ORC1: variants seen among roughly 807,000 people sequenced by gnomAD.
The protein encoded by ORC1 is origin recognition complex, subunit 1 homolog.
Under a neutral mutation model 98.9 loss-of-function variants are expected in ORC1, and 61 were observed. The ratio of observed to expected loss-of-function variants is 0.62; its 90% CI spans 0.50 to 0.76. The LOEUF is 0.76. Among genes scored for constraint, ORC1 ranks in the 30% least tolerant of loss-of-function variants. The probability of loss-of-function intolerance (pLI) is 0.00; values close to 1 mark genes in which losing one functional copy is unlikely to be tolerated. For missense variants in ORC1, 979 were observed against 1,072.2 expected, an observed-to-expected ratio of 0.91 and a Z score of 1.21; for synonymous variants, 385 against 406.9, an observed-to-expected ratio of 0.95 and a Z score of 0.65.
chr1:52,373,469 T>C (rs920987245), intron 16 of ORC1, 94 bp from the exon 17 acceptor site: 6 of 1,079,184 alleles, frequency 5.6e-6, no homozygotes, highest in Non-Finnish European at 6.9e-6. Flanking sequence ...ATCAGACACA[T>C]GGCCCCCAGG....
intron 1 of ORC1, among the ~76,000 whole-genome samples, chr1:52,403,522 C>T (rs948302003): frequency 6.6e-5 from 10 of 152,198 alleles, no homozygotes; most frequent in African/African-American, 2.4e-4. Context: ...GCATTTCCAG[C>T]CCACCTAACA....
Position 52,373,296 on chromosome 1 carries a change from G to A in ORC1, c.2471C>T (p.Ser824Phe), listed in dbSNP as rs746169337. The A allele has an allele frequency of 7.4e-6, 12 of 1,614,078 alleles. No individual in the cohort carries two copies. Among genetic ancestry groups the A allele is most frequent in the African/African-American group, 1.3e-5 (1 of 74,940 alleles). The change falls in exon 17 of 17, where the codon TCT becomes TTT. Residue 824 changes from serine to phenylalanine, a missense_variant. Transcript: ENST00000371568. ...PTMSETMAVCSHLGSCRLLLV... is the reference protein window; with the variant it reads ...PTMSETMAVCFHLGSCRLLLV... ...CAGGAGGCGACAGGAGCCCAGGTGAGAACACACGGCCATGGTCTCTGACAT... is the reference window on the plus strand; with the variant it reads ...CAGGAGGCGACAGGAGCCCAGGTGAAAACACACGGCCATGGTCTCTGACAT...
chr1:52,406,648 A>G (rs1648006347), upstream of ORC1, among the ~76,000 whole-genome samples: 1 of 152,216 alleles, frequency 6.6e-6, no homozygotes. Context: ...CTGCATGGTA[A>G]ACACCTAGAA....
At chr1:52,377,599 G>A (rs772247258) in intron 14 of ORC1, among the ~76,000 whole-genome samples, 12 of 149,114 alleles carry the variant, frequency 8.0e-5, no homozygotes, top group Non-Finnish European at 1.8e-4. Context: ...ACAACCATAA[G>A]CCCTTGCTTG....
At chr1:52,383,318 G>C in intron 13 of ORC1, 102 bp downstream of exon 13, 2 of 1,403,960 alleles carry the variant, frequency 1.4e-6, no homozygotes, top group Non-Finnish European at 2.0e-6. Flanking sequence ...CAAAGTGCGG[G>C]GTTTACAGGC....
chr1:52,373,061 A>G lies in ORC1; in HGVS notation c.*120T>C. The G allele has an allele frequency of 9.5e-7, 1 of 1,047,246 alleles. No homozygotes were observed. The highest frequency in any genetic ancestry group is 1.5e-6 in the Non-Finnish European group (1 of 669,710). The allele number at this position is 1,047,246 out of a possible 1,614,324, so 64.9% of individuals were successfully genotyped here. A position where few individuals can be genotyped will look rare whatever the true frequency, so the allele number is the denominator to read the frequency against. On this transcript the variant is annotated 3_prime_UTR_variant, in exon 17 of 17. Coordinates refer to ENST00000371568, the MANE Select transcript of ORC1 (RefSeq NM_004153.4). Reference sequence around the variant, plus strand: ...GTTGGGGGGTCACCTAAGCCTGAGAAGTCAAGGCTGCAGTGAGCCATGATC... The same window carrying G: ...GTTGGGGGGTCACCTAAGCCTGAGAGGTCAAGGCTGCAGTGAGCCATGATC...
At chr1:52,389,711 C>T (rs902600880) in intron 6 of ORC1, among the ~76,000 whole-genome samples, 5 of 152,180 alleles carry the variant, frequency 3.3e-5, no homozygotes, top group Non-Finnish European at 5.9e-5. Flanking sequence ...ATTTACTGAG[C>T]AACCTATTAT....
chr1:52,391,637 G>A (rs1052712924), intron 6 of ORC1, among the ~76,000 whole-genome samples: 4 of 152,084 alleles, frequency 2.6e-5, no homozygotes, highest in Non-Finnish European at 5.9e-5. Flanking sequence ...GGTGGCTCAC[G>A]CCTATAATCC....
chr1:52,402,212 GT>G lies in ORC1; in HGVS notation c.11del (p.Tyr4SerfsTer5). 2 of 1,614,090 alleles carry G rather than the reference GT, an allele frequency of 1.2e-6. No homozygotes were observed. Among genetic ancestry groups the G allele is most frequent in the Non-Finnish European group, 1.7e-6 (2 of 1,179,968 alleles). On this transcript the variant is annotated frameshift_variant, in exon 2 of 17. Coordinates refer to ENST00000371568, the MANE Select transcript of ORC1 (RefSeq NM_004153.4). LOFTEE classifies it high-confidence loss of function. MAH[Y>X]PTRLKTRKTY... is the part of the protein sequence containing the mutation. ...TTTTTCTGGTCTTCAGCCTTGTGGG[GT>G]AGTGTGCCATGGCTTCTGTGGAAGA...
intron 2 of ORC1, 106 bp from the exon 3 acceptor site, chr1:52,401,595 G>T: frequency 7.6e-7 from 1 of 1,322,960 alleles, no homozygotes; most frequent in Non-Finnish European, 1.1e-6. Flanking sequence ...ATTTCTTTCT[G>T]CTGACCAACT....
rs1254965230 is a variant in ORC1 at position 52,393,444 on chromosome 1, T to C, written c.1081A>G (p.Arg361Gly). 6.2e-6 allele frequency: 10 copies of C among 1,614,084 alleles called. No homozygotes were observed. The highest frequency in any genetic ancestry group is 8.5e-6 in the Non-Finnish European group (10 of 1,180,030). The change falls in exon 6 of 17, where the codon AGG becomes GGG. Residue 361 changes from arginine to glycine, a missense_variant and splice_region_variant. Coordinates refer to ENST00000371568, the MANE Select transcript of ORC1 (RefSeq NM_004153.4). ...TCTGTGGGTAATGTCCCTGGTCACC[T>C]CTTTTTGATGTTTTCTGGTTTCAGA... ...VILKPENIKK[R>G]DAKEAKAQNE... is the part of the protein sequence containing the mutation.
Position 52,402,242 on chromosome 1 carries a change from C to A in ORC1, c.-5-14G>T, listed in dbSNP as rs1216957145. On this transcript the variant is annotated splice_polypyrimidine_tract_variant and intron_variant, in intron 1 of 16. Coordinates refer to ENST00000371568, the MANE Select transcript of ORC1 (RefSeq NM_004153.4). Reference sequence around the variant, plus strand: ...GTGCCATGGCTTCTGTGGAAGAGTCCAAACTCTGAGTTACCATGATAAATA... The same window carrying A: ...GTGCCATGGCTTCTGTGGAAGAGTCAAAACTCTGAGTTACCATGATAAATA... The A allele has an allele frequency of 8.2e-6, 13 of 1,582,162 alleles. No individual in the cohort carries two copies. In the South Asian group the frequency reaches 1.4e-4, roughly 18 times the overall value.
At position 52,401,456 on chromosome 1, in the gene ORC1, G is replaced by T. The variant is rs368674629; in HGVS notation, c.129C>A (p.Thr43=). Residue 43 remains threonine, a synonymous_variant, in exon 3 of 17, where the codon ACC becomes ACA. Coordinates refer to ENST00000371568, the MANE Select transcript of ORC1 (RefSeq NM_004153.4). ...ACTGTCCAATCTGGATGTGAATCTC[G>T]GTGGAACAACCTTCTGTTTTCACAC... ...EMCVKTEGCS[T]EIHIQIGQFV... is the part of the protein sequence containing the mutation. 2.5e-6 allele frequency: 4 copies of T among 1,613,858 alleles called. No individual in the cohort carries two copies. The highest frequency in any genetic ancestry group is 3.3e-5 in the Admixed American group (2 of 60,002).
chr1:52,373,070 T>G lies in ORC1; in HGVS notation c.*111A>C. On this transcript the variant is annotated 3_prime_UTR_variant, in exon 17 of 17. Transcript: ENST00000371568. Reference sequence around the variant, plus strand: ...TCACCTAAGCCTGAGAAGTCAAGGCTGCAGTGAGCCATGATCGTGCCACTG... The same window carrying G: ...TCACCTAAGCCTGAGAAGTCAAGGCGGCAGTGAGCCATGATCGTGCCACTG... The G allele has an allele frequency of 8.8e-7, 1 of 1,140,688 alleles. No homozygotes were observed. The highest frequency in any genetic ancestry group is 1.3e-6 in the Non-Finnish European group (1 of 753,368). The allele number at this position is 1,140,688 out of a possible 1,614,324, so 70.7% of individuals were successfully genotyped here.
chr1:52,377,306 GCT>G (rs1647006467), intron 14 of ORC1, among the ~76,000 whole-genome samples: 1 of 149,450 alleles, frequency 6.7e-6, no homozygotes, highest in African/African-American at 2.5e-5. Context: ...AGAGGGTCTT[GCT>G]CTGTCACCCA....
In ORC1 at chr1:52,372,950, G is replaced by T; in HGVS notation, c.*231C>A. 1.9e-6 allele frequency: 1 copy of T among 535,222 alleles called. No homozygotes were observed. Among genetic ancestry groups the T allele is most frequent in the Non-Finnish European group, 3.4e-6 (1 of 294,542 alleles). 33.2% of individuals were successfully genotyped at this position (535,222 alleles called of 1,614,324 possible). On this transcript the variant is annotated 3_prime_UTR_variant, in exon 17 of 17. Transcript: ENST00000371568. ...AATCAGATGCTTTGTAGACTAGCTT[G>T]GCAACATGGTGAAGCCCTGTCTCTA... is the stretch of plus-strand genomic sequence containing the variant.
chr1:52,381,754 G>T lies in ORC1; in HGVS notation c.2021C>A (p.Thr674Asn), dbSNP rs780982993. Residue 674 changes from threonine (T) to asparagine (N), a missense_variant, in exon 14 of 17, where the codon ACC becomes AAC. Coordinates refer to ENST00000371568, the MANE Select transcript of ORC1 (RefSeq NM_004153.4). ...TGTATAGGGCTGGAAGCACATCCTG[G>T]TAAGACCCTGGGGAGCCAAAATGAC... The part of the protein sequence containing the change: ...MNRVSSRLGL[T>N]RMCFQPYTYS... The T allele has an allele frequency of 1.9e-6, 3 of 1,613,062 alleles. No homozygotes were observed. In the East Asian group the frequency reaches 6.7e-5, roughly 36 times the overall value.
intron 14 of ORC1, among the ~76,000 whole-genome samples, chr1:52,379,700 T>C (rs1199453153): frequency 1.3e-5 from 2 of 151,930 alleles, no homozygotes; most frequent in East Asian, 3.9e-4. Context: ...TTTGGGAGGC[T>C]GAGGTGGGTG....
chr1:52,375,023 A>G (rs1254622710), intron 15 of ORC1, 126 bp from the exon 16 acceptor site: 8 of 698,596 alleles, frequency 1.1e-5, no homozygotes, highest in Non-Finnish European at 2.1e-5. Flanking sequence ...CTCCTATATT[A>G]TGTGGCAAGG....
Sources: allele counts gnomAD v4.1 joint callset (sites outside exome capture counted in the v4.1 genomes callset), GRCh38; gene constraint gnomAD v4.1.1; transcripts MANE v1.5; gene names NCBI Gene and HGNC (gene_info 2026-07-23, HGNC 2026-07-21).